Variants in ATP8A1 observed in about 807,000 individuals in gnomAD.
ATP8A1 encodes phospholipid-transporting ATPase IA.
ATP8A1 carries 90 observed loss-of-function variants against 177.7 expected under a neutral mutation model. The observed-to-expected ratio is 0.51, with a 90% CI of 0.43 to 0.60. The LOEUF (loss-of-function observed/expected upper bound fraction) is 0.60, where lower values mean the gene tolerates loss of function less well. Ranked by LOEUF, ATP8A1 falls within the 20% of genes least tolerant of loss-of-function variation. The pLI is 0.00. For missense variants in ATP8A1, 1,072 were observed against 1,392.8 expected (o/e 0.77, Z 3.67); for synonymous variants, 493 against 485.9 (o/e 1.01, Z -0.19).
At chr4:42,507,289 C>A (rs1231833198) in intron 22 of ATP8A1, 135 bp from the exon 23 acceptor site, 34 of 920,218 alleles carry the variant, frequency 3.7e-5, no homozygotes, top group Non-Finnish European at 5.0e-5. Flanking sequence ...TTCCAACTAT[C>A]CCATTGAGTT....
intron 6 of ATP8A1, among the ~76,000 whole-genome samples, chr4:42,598,664 T>A (rs1734952125): frequency 6.6e-6 from 1 of 152,208 alleles, no homozygotes; most frequent in Non-Finnish European, 1.5e-5. Flanking sequence ...ATCTTGAATA[T>A]CAAAGTTTGG....
At chr4:42,436,323 T>C (rs549973635) in intron 33 of ATP8A1, among the ~76,000 whole-genome samples, 1 of 152,206 alleles carries the variant, frequency 6.6e-6, no homozygotes, top group African/African-American at 2.4e-5. Context: ...AGACGCTCGA[T>C]CTACACTTGC....
At chr4:42,579,543 C>T (rs2345655) in intron 11 of ATP8A1, among the ~76,000 whole-genome samples, 87,032 of 150,886 alleles carry the variant, frequency 0.58, 26,111 homozygotes, top group East Asian at 0.92. Flanking sequence ...GAATAGTTTT[C>T]GTTGATATAT....
Position 42,539,404 on chromosome 4 carries a change from C to CA in ATP8A1, c.1722+4512_1722+4513insT, listed in dbSNP as rs909762153. 2.1e-5 allele frequency among the ~76,000 whole-genome samples: 3 copies of CA among 145,880 alleles called. 1 individual carries two copies. In the South Asian group the frequency reaches 6.7e-4, roughly 33 times the overall value. On this transcript the variant is annotated intron_variant, in intron 20 of 36. Coordinates refer to ENST00000381668, the MANE Select transcript of ATP8A1 (RefSeq NM_006095.2). The stretch of plus-strand genomic sequence containing the variant: ...AAAAATAAAATAAAATACCCCCCCC[C>CA]CAACAAAAACAAAATACCAATGCCA...
In ATP8A1 at chr4:42,586,108, C is replaced by T. The variant is rs553752119; in HGVS notation, c.722+241G>A. 1.5e-4 allele frequency among the ~76,000 whole-genome samples: 23 copies of T among 152,190 alleles called. 1 individual carries two copies. Among genetic ancestry groups the T allele is most frequent in the African/African-American group, 5.5e-4 (23 of 41,452 alleles). On this transcript the variant is annotated intron_variant, in intron 9 of 36. Coordinates refer to ENST00000381668, the MANE Select transcript of ATP8A1 (RefSeq NM_006095.2). The stretch of plus-strand genomic sequence containing the variant: ...AATGTGCCAGAAGCTGGGAATATCT[C>T]TGAAAATATCCTCCAGCCAGATTGG...
chr4:42,602,764 G>A (rs780719588), intron 5 of ATP8A1, among the ~76,000 whole-genome samples: 10 of 151,622 alleles, frequency 6.6e-5, no homozygotes, highest in Middle Eastern at 3.4e-3. Flanking sequence ...GCAAGACTCC[G>A]TCTCAAAAAT....
At chr4:42,414,254 A>G (rs1175278998) in intron 36 of ATP8A1, among the ~76,000 whole-genome samples, 1 of 152,228 alleles carries the variant, frequency 6.6e-6, no homozygotes, top group Non-Finnish European at 1.5e-5. Context: ...GGGAAAATAT[A>G]TGCTTCCTTG....
chr4:42,580,468 G>A (rs186266304), intron 10 of ATP8A1, among the ~76,000 whole-genome samples: 8 of 152,278 alleles, frequency 5.3e-5, no homozygotes, highest in East Asian at 1.9e-4. Flanking sequence ...TTTACTGAAC[G>A]CAGCAACAAT....
chr4:42,547,547 G>A lies in ATP8A1; in HGVS notation c.1652+1466C>T, dbSNP rs554288411. On this transcript the variant is annotated intron_variant, in intron 19 of 36. Transcript: ENST00000381668. ...GCTTTCTAAGTGTGGTTTAAAAAACGTATCTAAATGGCAATTAATAGACTA... is the reference window on the plus strand; with the variant it reads ...GCTTTCTAAGTGTGGTTTAAAAAACATATCTAAATGGCAATTAATAGACTA... Among the ~76,000 whole-genome samples the A allele has an allele frequency of 5.3e-5, 8 of 152,210 alleles. No individual in the cohort carries two copies. In the South Asian group the frequency reaches 6.2e-4, roughly 12 times the overall value.
chr4:42,482,290 T>A (rs1333678391), intron 25 of ATP8A1, among the ~76,000 whole-genome samples: 1 of 148,596 alleles, frequency 6.7e-6, no homozygotes, highest in Non-Finnish European at 1.5e-5. Flanking sequence ...GGTGACAGAG[T>A]GAGATTCTGT....
At chr4:42,556,664 A>G (rs1298039505) in intron 15 of ATP8A1, among the ~76,000 whole-genome samples, 1 of 152,120 alleles carries the variant, frequency 6.6e-6, no homozygotes, top group Non-Finnish European at 1.5e-5. Context: ...TGTACTTCAT[A>G]CGATATAAAT....
At chr4:42,625,512 C>T in intron 3 of ATP8A1, 102 bp downstream of exon 3, 1 of 691,052 alleles carries the variant, frequency 1.4e-6, no homozygotes, top group Non-Finnish European at 2.3e-6. Flanking sequence ...CCACCAAAAC[C>T]AGCTTATCTC....
intron 21 of ATP8A1, 34 bp downstream of exon 21, chr4:42,524,729 T>C: frequency 7.2e-7 from 1 of 1,397,852 alleles, no homozygotes; most frequent in Non-Finnish European, 1.0e-6. Context: ...TTTCTTTGTA[T>C]TTTAATCATG....
At chr4:42,435,509 G>A (rs1236788044) in intron 33 of ATP8A1, among the ~76,000 whole-genome samples, 1 of 147,236 alleles carries the variant, frequency 6.8e-6, no homozygotes, top group East Asian at 2.0e-4. Flanking sequence ...ATGGCACAAC[G>A]ACTTTCATAC....
intron 20 of ATP8A1, among the ~76,000 whole-genome samples, chr4:42,531,159 C>T: frequency 6.6e-6 from 1 of 152,172 alleles, no homozygotes; most frequent in East Asian, 1.9e-4. Flanking sequence ...GTACGGAATA[C>T]AGCGAATCCA....
intron 14 of ATP8A1, among the ~76,000 whole-genome samples, chr4:42,571,061 G>C (rs1403271205): frequency 1.3e-5 from 2 of 152,130 alleles, no homozygotes; most frequent in African/African-American, 4.8e-5. Context: ...CAACACTTGA[G>C]ATATACAGAT....
At chr4:42,605,247 A>T (rs1735679294) in intron 5 of ATP8A1, among the ~76,000 whole-genome samples, 1 of 152,176 alleles carries the variant, frequency 6.6e-6, no homozygotes, top group Non-Finnish European at 1.5e-5. Flanking sequence ...TAAAATAGAC[A>T]TCTCAGTTTT....
At chr4:42,595,202 A>C (rs918581628) in intron 6 of ATP8A1, among the ~76,000 whole-genome samples, 2 of 152,168 alleles carry the variant, frequency 1.3e-5, no homozygotes, top group African/African-American at 2.4e-5. Flanking sequence ...ATGGAAAAAA[A>C]AGACTTTCTA....
chr4:42,487,815 T>C (rs1423054542), intron 24 of ATP8A1, among the ~76,000 whole-genome samples: 2 of 152,198 alleles, frequency 1.3e-5, no homozygotes. Context: ...AGTTGTACTA[T>C]AAAGAAAGAC....
Sources: allele counts gnomAD v4.1 joint callset (sites outside exome capture counted in the v4.1 genomes callset), GRCh38; gene constraint gnomAD v4.1.1; transcripts MANE v1.5; gene names NCBI Gene and HGNC (gene_info 2026-07-23, HGNC 2026-07-21).